Variants in RUFY4 observed in about 807,000 individuals in gnomAD.
RUFY4 encodes RUN and FYVE domain containing 4.
A neutral mutation model predicts 69.0 loss-of-function variants in RUFY4; 73 were observed. The observed-to-expected ratio is 1.06, with a 90% CI of 0.88 to 1.29. The LOEUF (loss-of-function observed/expected upper bound fraction) is 1.29. RUFY4 is among the 50% of genes most tolerant of loss of function. The pLI, the probability that RUFY4 is intolerant of heterozygous loss-of-function variation, is 0.00. For missense variants in RUFY4, 770 were observed against 705.6 expected (o/e 1.09, Z -1.03); for synonymous variants, 287 against 271.8 (o/e 1.06, Z -0.55).
chr2:218,088,758 C>T (rs907426797), intron 9 of RUFY4, among the ~76,000 whole-genome samples: 1 of 151,990 alleles, frequency 6.6e-6, no homozygotes, highest in Non-Finnish European at 1.5e-5. Context: ...CATTTCTCTC[C>T]GTCTTTCTCT....
At chr2:218,073,333 C>T (rs55862020) in exon 5 of RUFY4, 8 of 1,581,340 alleles carry the variant, frequency 5.1e-6, no homozygotes, top group African/African-American at 1.3e-5. Context: ...GGGTGGCCTT[C>T]GAGTTGGACC....
chr2:218,079,407 T>A (rs1210496534), intron 8 of RUFY4, among the ~76,000 whole-genome samples: 1 of 152,168 alleles, frequency 6.6e-6, no homozygotes, highest in Non-Finnish European at 1.5e-5. Context: ...CTTTTTGACC[T>A]GATCAGCTGG....
chr2:218,039,040 G>T (rs1333283308), intron 2 of RUFY4, among the ~76,000 whole-genome samples: 3 of 152,142 alleles, frequency 2.0e-5, no homozygotes, highest in South Asian at 2.1e-4. Flanking sequence ...TCCAATGGAG[G>T]TTCTATCGGT....
chr2:218,070,882 C>T (rs750224918), intron 2 of RUFY4, 23 bp downstream of exon 4: 3 of 1,507,878 alleles, frequency 2.0e-6, no homozygotes, highest in African/African-American at 2.8e-5. Context: ...CCTCCCCTTC[C>T]CCATCCCTCT....
In RUFY4 at chr2:218,072,867, T is replaced by C. The variant is rs771038771; in HGVS notation, c.368T>C (p.Leu123Pro). The stretch of plus-strand genomic sequence containing the variant: ...GCTGAGGCCCTGCAGCTTTGCCTCC[T>C]GAACTCAGAGCTCACCAGGTGGGGC... Residue 123 changes from leucine to proline, a missense_variant, in exon 4 of 11, where the codon CTG (leucine) becomes CCG (proline). Transcript: ENST00000344321. 6 of 1,534,560 alleles carry C rather than the reference T, an allele frequency of 3.9e-6. No individual in the cohort carries two copies. In the South Asian group the frequency reaches 6.0e-5, roughly 15 times the overall value.
At chr2:218,079,061 G>C (rs1245576460) in intron 8 of RUFY4, among the ~76,000 whole-genome samples, 2 of 152,142 alleles carry the variant, frequency 1.3e-5, no homozygotes, top group Non-Finnish European at 2.9e-5. Flanking sequence ...TAGAGATGGG[G>C]TTTCATCATG....
intron 3 of RUFY4, among the ~76,000 whole-genome samples, chr2:218,062,349 T>C (rs1689216752): frequency 6.9e-6 from 1 of 145,238 alleles, no homozygotes. Context: ...GAGCTTGTAG[T>C]GAGCCGAGAT....
chr2:218,061,142 G>C, intron 3 of RUFY4: 5 of 465,848 alleles, frequency 1.1e-5, no homozygotes, highest in South Asian at 7.1e-5. Context: ...GAACAGGTCG[G>C]CCAAGGCCAG....
rs750739588 is a variant in RUFY4 at position 218,075,342 on chromosome 2, ATT to A, written c.851_852del (p.Ile284ArgfsTer31). ...AGACCAGGAGGAAAGAGCCCCATGG[ATT>A]GAGATCTTCCTGGGGAACTCAACAC... On this transcript the variant is annotated frameshift_variant, in exon 7 of 11. Transcript: ENST00000344321. LOFTEE classifies it high-confidence loss of function. 2.5e-6 allele frequency: 4 copies of A among 1,611,986 alleles called. No individual in the cohort carries two copies. The East Asian group carries it at 8.9e-5, about 36-fold the overall frequency.
At chr2:218,058,361 T>G (rs567254025) in intron 2 of RUFY4, among the ~76,000 whole-genome samples, 1 of 152,358 alleles carries the variant, frequency 6.6e-6, no homozygotes, top group African/African-American at 2.4e-5. Flanking sequence ...AATAATACAC[T>G]AAATCCCAAG....
chr2:218,072,822 G>T (rs1378648447), exon 4 of RUFY4: 1 of 1,536,274 alleles, frequency 6.5e-7, no homozygotes, highest in Admixed American at 2.0e-5. Context: ...ATCCGCTTCT[G>T]CCTGGCCCGT....
chr2:218,035,931 G>T (rs1958970347), intron 2 of RUFY4, among the ~76,000 whole-genome samples: 1 of 152,172 alleles, frequency 6.6e-6, no homozygotes, highest in Admixed American at 6.5e-5. Flanking sequence ...TGAGGCTGGG[G>T]GCCCTCCATG....
intron 2 of RUFY4, among the ~76,000 whole-genome samples, chr2:218,042,745 G>A (rs961897085): frequency 1.3e-5 from 2 of 152,044 alleles, no homozygotes; most frequent in Admixed American, 6.5e-5. Context: ...GAAAGGGGCA[G>A]TTTTAATTTT....
At chr2:218,077,271 T>A (rs1689656722) in intron 8 of RUFY4, among the ~76,000 whole-genome samples, 1 of 152,174 alleles carries the variant, frequency 6.6e-6, no homozygotes, top group South Asian at 2.1e-4. Flanking sequence ...CACCATCCAG[T>A]GTCTTCATCT....
upstream of RUFY4, among the ~76,000 whole-genome samples, chr2:218,070,107 T>C (rs112616451): frequency 5.9e-3 from 901 of 152,172 alleles, 4 homozygotes; most frequent in African/African-American, 0.02. Flanking sequence ...GGGCACTCCA[T>C]GGGGAAGGAG....
intron 2 of RUFY4, among the ~76,000 whole-genome samples, chr2:218,046,134 T>C (rs1260372849): frequency 2.0e-5 from 3 of 152,010 alleles, no homozygotes; most frequent in Non-Finnish European, 2.9e-5. Flanking sequence ...ATATAATGTA[T>C]AGTGATCAGA....
chr2:218,041,318 A>G (rs1688691763), intron 2 of RUFY4, among the ~76,000 whole-genome samples: 2 of 152,204 alleles, frequency 1.3e-5, no homozygotes, highest in African/African-American at 4.8e-5. Context: ...CAATTTCTGT[A>G]TAATGTCTAA....
chr2:218,044,102 C>T (rs1258915602), intron 2 of RUFY4, among the ~76,000 whole-genome samples: 2 of 152,178 alleles, frequency 1.3e-5, no homozygotes, highest in African/African-American at 4.8e-5. Flanking sequence ...CTGCAAGGGT[C>T]AGGGAGGCCT....
chr2:218,085,300 T>G (rs1689866674), intron 9 of RUFY4, among the ~76,000 whole-genome samples: 1 of 152,026 alleles, frequency 6.6e-6, no homozygotes, highest in Admixed American at 6.6e-5. Context: ...CATTAAACTA[T>G]GTAATACAAT....
Sources: allele counts gnomAD v4.1 joint callset (sites outside exome capture counted in the v4.1 genomes callset), GRCh38; gene constraint gnomAD v4.1.1; transcripts MANE v1.5; gene names NCBI Gene and HGNC (gene_info 2026-07-23, HGNC 2026-07-21).